PRPF39: variants seen among roughly 807,000 people sequenced by gnomAD.
PRPF39 encodes pre-mRNA processing factor 39, also known as pre-mRNA-processing factor 39.
A neutral mutation model predicts 82.1 loss-of-function variants in PRPF39; 27 were observed. The observed-to-expected ratio is 0.33, with a 90% confidence interval of 0.24 to 0.45. The LOEUF (loss-of-function observed/expected upper bound fraction) is 0.45, where lower values mean the gene tolerates loss of function less well. PRPF39 is among the 20% of genes least tolerant of loss of function. The pLI is 1.00. For missense variants in PRPF39, 581 were observed against 796.9 expected (o/e 0.73, Z 3.26); for synonymous variants, 261 against 256.4 (o/e 1.02, Z -0.17).
At chr14:45,093,840 C>A (rs899668375) in intron 1 of PRPF39, among the ~76,000 whole-genome samples, 3 of 152,228 alleles carry the variant, frequency 2.0e-5, no homozygotes, top group African/African-American at 7.2e-5. Flanking sequence ...CAGGCATGAG[C>A]CACCACGCCC....
At chr14:45,105,295 T>A (rs998796086) in intron 5 of PRPF39, among the ~76,000 whole-genome samples, 1 of 152,162 alleles carries the variant, frequency 6.6e-6, no homozygotes, top group Non-Finnish European at 1.5e-5. Flanking sequence ...TATTTTGAAA[T>A]TTTACCTTAA....
intron 1 of PRPF39, among the ~76,000 whole-genome samples, chr14:45,085,353 A>T (rs1362879532): frequency 1.3e-5 from 2 of 152,200 alleles, no homozygotes; most frequent in Non-Finnish European, 2.9e-5. Flanking sequence ...TTGAGCATAG[A>T]TGGCTCATAG....
At chr14:45,100,534 A>G (rs751732994) in intron 4 of PRPF39, among the ~76,000 whole-genome samples, 3 of 152,218 alleles carry the variant, frequency 2.0e-5, no homozygotes, top group Non-Finnish European at 4.4e-5. Flanking sequence ...ACCTTCTTCT[A>G]AACGTTCTGT....
At chr14:45,087,751 T>G (rs1195508684) in intron 1 of PRPF39, among the ~76,000 whole-genome samples, 2 of 150,202 alleles carry the variant, frequency 1.3e-5, no homozygotes, top group South Asian at 2.1e-4. Context: ...TTTTTTTTTT[T>G]TTTTTTTTTG....
At chr14:45,109,852 T>G in intron 8 of PRPF39, 72 bp downstream of exon 8, 1 of 1,523,970 alleles carries the variant, frequency 6.6e-7, no homozygotes, top group Non-Finnish European at 8.8e-7. Flanking sequence ...TTTTTTGTAC[T>G]TCTGTTGAAT....
intron 4 of PRPF39, among the ~76,000 whole-genome samples, chr14:45,101,689 C>T (rs138966888): frequency 1.3e-5 from 2 of 152,038 alleles, no homozygotes; most frequent in African/African-American, 4.8e-5. Context: ...TGGTCTCAAA[C>T]TCCTGGCCTC....
intron 4 of PRPF39, among the ~76,000 whole-genome samples, chr14:45,101,728 C>T (rs1422546205): frequency 1.3e-5 from 2 of 151,694 alleles, no homozygotes; most frequent in Non-Finnish European, 2.9e-5. Context: ...TGTGAGCCAT[C>T]GTGCCCAGCC....
In PRPF39 at chr14:45,094,104, TTAAC is replaced by T. The variant is rs370636943; in HGVS notation, c.-19-1114_-19-1111del. Among the ~76,000 whole-genome samples the T allele has an allele frequency of 3.9e-3, 595 of 152,256 alleles. 11 individuals carry two copies. The highest frequency in any genetic ancestry group is 0.014 in the African/African-American group (573 of 41,568). ...TTTAAAGTTTTAGTCATCTTTTTAA[TTAAC>T]TACTATTAATATATTAAGTAGTAGT... On this transcript the variant is annotated intron_variant, in intron 1 of 13. Coordinates refer to ENST00000355765, the MANE Select transcript of PRPF39 (RefSeq NM_017922.4).
chr14:45,106,259 G>A (rs1163360275), intron 5 of PRPF39, among the ~76,000 whole-genome samples: 2 of 152,148 alleles, frequency 1.3e-5, no homozygotes, highest in African/African-American at 4.8e-5. Context: ...TGAGGCAGGA[G>A]AATTGCTTGA....
At position 45,107,431 on chromosome 14, in the gene PRPF39, T is replaced by A. The variant is rs1338134835; in HGVS notation, c.738-20T>A. 1 of 1,465,800 alleles carries A rather than the reference T, an allele frequency of 6.8e-7. No individual in the cohort carries two copies. The highest frequency in any genetic ancestry group is 2.5e-5 in the East Asian group (1 of 40,590). The allele number at this position is 1,465,800 out of a possible 1,614,324, so 90.8% of individuals were successfully genotyped here. On this transcript the variant is annotated intron_variant, in intron 5 of 13. Coordinates refer to ENST00000355765, the MANE Select transcript of PRPF39 (RefSeq NM_017922.4). Reference sequence around the variant, plus strand: ...TAAAATTATGATTCAAATACATATATTTTTATTGTCTTCCTTTAGATTTAA... The same window carrying A: ...TAAAATTATGATTCAAATACATATAATTTTATTGTCTTCCTTTAGATTTAA...
At chr14:45,098,647 A>G (rs1011561997) in intron 4 of PRPF39, among the ~76,000 whole-genome samples, 2 of 152,134 alleles carry the variant, frequency 1.3e-5, no homozygotes, top group African/African-American at 4.8e-5. Flanking sequence ...ATAGCTTTCT[A>G]TACAATCAGA....
chr14:45,087,664 C>G (rs749709151), intron 1 of PRPF39, among the ~76,000 whole-genome samples: 1 of 151,860 alleles, frequency 6.6e-6, no homozygotes, highest in East Asian at 1.9e-4. Flanking sequence ...ACCTCCGCCT[C>G]CTGGGTTCAC....
chr14:45,113,245 T>G (rs1884744926), intron 11 of PRPF39, among the ~76,000 whole-genome samples: 2 of 152,226 alleles, frequency 1.3e-5, no homozygotes, highest in African/African-American at 2.4e-5. Flanking sequence ...AAAATTTCAG[T>G]GCAACTAATA....
intron 1 of PRPF39, among the ~76,000 whole-genome samples, chr14:45,086,845 A>AT (rs1883843657): frequency 7.5e-6 from 1 of 134,080 alleles, no homozygotes. Flanking sequence ...AGTGTTTCTC[A>AT]GTTTTTTTTT....
At chr14:45,092,919 A>G (rs985812886) in intron 1 of PRPF39, among the ~76,000 whole-genome samples, 1 of 151,814 alleles carries the variant, frequency 6.6e-6, no homozygotes, top group Admixed American at 6.6e-5. Flanking sequence ...TAAAAAAAAA[A>G]TGTATCCAGT....
chr14:45,110,673 T>C lies in PRPF39; in HGVS notation c.1428T>C (p.His476=). ...ATGGAAATCTGGAAGAAGCTGAACA[T>C]TTGCTTCAGGATGCCATTAAGAATG... ...RRHGNLEEAE[H]LLQDAIKNAK... The change falls in exon 10 of 14, where the codon CAT becomes CAC. Residue 476 remains histidine, a synonymous_variant. Coordinates refer to ENST00000355765, the MANE Select transcript of PRPF39 (RefSeq NM_017922.4). This position sits in a 1 kb window ranked among gnomAD's most constrained non-coding sequence, Gnocchi z 4.0. 6.3e-7 allele frequency: 1 copy of C among 1,576,734 alleles called. No individual in the cohort carries two copies. Among genetic ancestry groups the C allele is most frequent in the Non-Finnish European group, 8.6e-7 (1 of 1,159,826 alleles).
chr14:45,105,816 G>A (rs1037109967), intron 5 of PRPF39, among the ~76,000 whole-genome samples: 3 of 151,930 alleles, frequency 2.0e-5, no homozygotes, highest in African/African-American at 4.8e-5. Flanking sequence ...GTCAGCAGGC[G>A]CCTGACCTGT....
intron 1 of PRPF39, among the ~76,000 whole-genome samples, chr14:45,091,368 C>G (rs889227533): frequency 6.6e-6 from 1 of 152,138 alleles, no homozygotes; most frequent in African/African-American, 2.4e-5. Flanking sequence ...TCTGGAACAT[C>G]TGGCTTCAAG....
chr14:45,089,523 C>CA (rs1292215474), intron 1 of PRPF39, among the ~76,000 whole-genome samples: 1 of 152,184 alleles, frequency 6.6e-6, no homozygotes, highest in Non-Finnish European at 1.5e-5. Flanking sequence ...GGCTGGAGTG[C>CA]AGTGGCACGA....
Sources: allele counts gnomAD v4.1 joint callset (sites outside exome capture counted in the v4.1 genomes callset), GRCh38; gene constraint gnomAD v4.1.1; non-coding constraint Gnocchi (gnomAD v3.1); transcripts MANE v1.5; gene names NCBI Gene and HGNC (gene_info 2026-07-23, HGNC 2026-07-21).